Variants in TBC1D5 observed in about 807,000 individuals in gnomAD.
TBC1D5 encodes the protein TBC1 domain family, member 5.
A neutral mutation model predicts 100.3 loss-of-function variants in TBC1D5; 75 were observed. The observed-to-expected ratio is 0.75, with a 90% confidence interval of 0.62 to 0.91. The LOEUF (loss-of-function observed/expected upper bound fraction) is 0.91. Among genes scored for constraint, TBC1D5 ranks in the 40% least tolerant of loss-of-function variants. TBC1D5 has a pLI of 0.00. For missense variants in TBC1D5, 910 were observed against 942.4 expected, an observed-to-expected ratio of 0.97 and a Z score of 0.45; for synonymous variants, 323 against 325.6, an observed-to-expected ratio of 0.99 and a Z score of 0.09.
intron 13 of TBC1D5, among the ~76,000 whole-genome samples, chr3:17,336,753 A>C (rs73145829): frequency 0.089 from 13,552 of 151,994 alleles, 1,378 homozygotes; most frequent in African/African-American, 0.25. Flanking sequence ...CACAACCCAA[A>C]AAACTCCAAA....
In TBC1D5 at chr3:17,172,158, C is replaced by T. The variant is rs543182224; in HGVS notation, c.1853-4330G>A. On this transcript the variant is annotated intron_variant, in intron 19 of 21. Transcript: ENST00000253692. ...ACCTTTTTTTAATCAACTAAGCTGA[C>T]TAGGCTCACTTTAAGAAATCTAGGG... is the stretch of plus-strand genomic sequence containing the variant. Among the ~76,000 whole-genome samples, 7 of 152,304 alleles carry T rather than the reference C, an allele frequency of 4.6e-5. No individual in the cohort carries two copies. The South Asian group carries it at 1.2e-3, about 27-fold the overall frequency.
intron 3 of TBC1D5, among the ~76,000 whole-genome samples, chr3:17,450,355 C>T (rs1403774529): frequency 3.3e-5 from 5 of 152,108 alleles, no homozygotes; most frequent in African/African-American, 1.2e-4. Flanking sequence ...TCCTTACCAG[C>T]AAGGGAACAA....
intron 12 of TBC1D5, among the ~76,000 whole-genome samples, chr3:17,373,060 G>A (rs2092546185): frequency 6.6e-6 from 1 of 151,986 alleles, no homozygotes; most frequent in Non-Finnish European, 1.5e-5. Flanking sequence ...TTTATTTAAG[G>A]GCATGGAAAC....
At chr3:17,722,185 C>A (rs1011004387) in intron 1 of TBC1D5, among the ~76,000 whole-genome samples, 2 of 152,080 alleles carry the variant, frequency 1.3e-5, no homozygotes, top group East Asian at 1.9e-4. Context: ...ATCATCAATT[C>A]TTTTATATTA....
At chr3:17,189,095 C>A (rs1447951969) in intron 18 of TBC1D5, among the ~76,000 whole-genome samples, 1 of 152,188 alleles carries the variant, frequency 6.6e-6, no homozygotes, top group African/African-American at 2.4e-5. Flanking sequence ...GTCTACTCAA[C>A]CCCACCTGGC....
chr3:17,432,879 T>C (rs2094468119), intron 3 of TBC1D5, among the ~76,000 whole-genome samples: 1 of 152,162 alleles, frequency 6.6e-6, no homozygotes, highest in Non-Finnish European at 1.5e-5. Flanking sequence ...GTAGTACATG[T>C]CCTCCCACAG....
At chr3:17,492,919 C>T (rs2095656784) in intron 3 of TBC1D5, among the ~76,000 whole-genome samples, 1 of 152,186 alleles carries the variant, frequency 6.6e-6, no homozygotes, top group South Asian at 2.1e-4. Context: ...TTTAATTGGG[C>T]ATTTAGCCCA....
chr3:17,430,979 T>C (rs1244724574), intron 3 of TBC1D5, among the ~76,000 whole-genome samples: 1 of 151,880 alleles, frequency 6.6e-6, no homozygotes. Context: ...AAAACATATC[T>C]GTAACACCAG....
intron 3 of TBC1D5, among the ~76,000 whole-genome samples, chr3:17,490,691 G>A (rs920245637): frequency 7.9e-5 from 12 of 152,296 alleles, no homozygotes; most frequent in Admixed American, 2.0e-4. Context: ...TTTTGTACCA[G>A]TACCATGCTG....
chr3:17,357,143 C>T (rs1309394982), intron 13 of TBC1D5, among the ~76,000 whole-genome samples: 3 of 151,956 alleles, frequency 2.0e-5, no homozygotes, highest in East Asian at 3.9e-4. Flanking sequence ...GTCAGAGGTG[C>T]GGATGCAGTA....
At chr3:17,651,472 T>C (rs2065552889) in intron 1 of TBC1D5, among the ~76,000 whole-genome samples, 1 of 152,192 alleles carries the variant, frequency 6.6e-6, no homozygotes, top group African/African-American at 2.4e-5. Context: ...AAATGTTCCA[T>C]ACTTTGTCCA....
intron 18 of TBC1D5, among the ~76,000 whole-genome samples, chr3:17,189,755 A>G (rs2069629572): frequency 6.6e-6 from 1 of 152,102 alleles, no homozygotes; most frequent in Non-Finnish European, 1.5e-5. Flanking sequence ...ATCCCTTCCT[A>G]TGCTCCATTA....
chr3:17,626,269 T>A (rs1162683515), intron 1 of TBC1D5, among the ~76,000 whole-genome samples: 1 of 152,178 alleles, frequency 6.6e-6, no homozygotes, highest in Non-Finnish European at 1.5e-5. Context: ...ATTAAGAAAT[T>A]AGCTGTAGAG....
chr3:17,653,966 T>C (rs2065822494), intron 1 of TBC1D5, among the ~76,000 whole-genome samples: 1 of 152,130 alleles, frequency 6.6e-6, no homozygotes, highest in Admixed American at 6.5e-5. Flanking sequence ...CAAGAAATAA[T>C]TCACAAAATT....
At chr3:17,296,576 T>C (rs1309417515) in intron 14 of TBC1D5, among the ~76,000 whole-genome samples, 1 of 152,242 alleles carries the variant, frequency 6.6e-6, no homozygotes, top group East Asian at 1.9e-4. Flanking sequence ...AACAAAATTT[T>C]ACTCTCTTCA....
intron 1 of TBC1D5, chr3:17,665,140 G>T (rs1280341046): frequency 6.6e-6 from 1 of 150,442 alleles, no homozygotes; most frequent in African/African-American, 2.4e-5. Flanking sequence ...CTTTCTAGCT[G>T]TCAAGGTGCA....
chr3:17,398,956 T>A (rs1575696614), intron 8 of TBC1D5, among the ~76,000 whole-genome samples: 1 of 152,236 alleles, frequency 6.6e-6, no homozygotes, highest in East Asian at 1.9e-4. Context: ...ACAAATGATT[T>A]CCAATTGCCA....
At chr3:17,399,646 G>A (rs2093597427) in intron 8 of TBC1D5, among the ~76,000 whole-genome samples, 2 of 152,010 alleles carry the variant, frequency 1.3e-5, no homozygotes, top group Admixed American at 1.3e-4. Flanking sequence ...TAGGTATCAT[G>A]CCACTGCTCA....
intron 1 of TBC1D5, among the ~76,000 whole-genome samples, chr3:17,685,407 TAATC>T (rs1251002718): frequency 2.0e-5 from 3 of 151,878 alleles, no homozygotes; most frequent in African/African-American, 4.8e-5. Context: ...ATTTACTAAA[TAATC>T]AAATAAATAA....
Sources: gnomAD v4.1 joint callset for allele counts (sites outside exome capture counted in the v4.1 genomes callset) on GRCh38, gnomAD v4.1.1 for gene constraint, MANE v1.5 for transcripts, NCBI Gene and HGNC (gene_info 2026-07-23, HGNC 2026-07-21) for gene names.